Variants in VPS13B observed in about 807,000 individuals in gnomAD.
VPS13B encodes vacuolar protein sorting 13 homolog B, also known as intermembrane lipid transfer protein VPS13B.
VPS13B carries 285 observed loss-of-function variants against 426.4 expected under a neutral mutation model. The ratio of observed to expected loss-of-function variants is 0.67; its 90% CI spans 0.61 to 0.74. The LOEUF (loss-of-function observed/expected upper bound fraction) is 0.74. Among genes scored for constraint, VPS13B ranks in the 30% least tolerant of loss-of-function variants. The pLI is 0.00. For synonymous variants in VPS13B, 1,676 were observed against 1,676.4 expected (o/e 1.00, Z 0.01); for missense variants, 4,537 against 4,782.6 (o/e 0.95, Z 1.51).
chr8:99,357,690 T>C (rs1812251474), intron 19 of VPS13B, among the ~76,000 whole-genome samples: 1 of 152,212 alleles, frequency 6.6e-6, no homozygotes, highest in Non-Finnish European at 1.5e-5. Flanking sequence ...TAGTACTTAA[T>C]AGCTGTAGGG....
chr8:99,461,635 A>G (rs1818837990), intron 23 of VPS13B, among the ~76,000 whole-genome samples: 1 of 152,152 alleles, frequency 6.6e-6, no homozygotes, highest in African/African-American at 2.4e-5. Flanking sequence ...GAAAGCATTG[A>G]CAATTTCTCA....
At chr8:99,413,778 G>A (rs1333285400) in intron 21 of VPS13B, among the ~76,000 whole-genome samples, 1 of 152,136 alleles carries the variant, frequency 6.6e-6, no homozygotes, top group East Asian at 1.9e-4. Context: ...TAATTTTATT[G>A]CACTGTGGTC....
chr8:99,746,274 A>G (rs1432837246), intron 39 of VPS13B, among the ~76,000 whole-genome samples: 3 of 152,136 alleles, frequency 2.0e-5, no homozygotes, highest in African/African-American at 7.2e-5. Context: ...CTATTGTATC[A>G]CAACAGGAGG....
chr8:99,756,388 A>G (rs553459954), intron 39 of VPS13B, among the ~76,000 whole-genome samples: 1 of 152,288 alleles, frequency 6.6e-6, no homozygotes, highest in African/African-American at 2.4e-5. Flanking sequence ...GTACCAATAT[A>G]TGCATAGGGG....
intron 33 of VPS13B, among the ~76,000 whole-genome samples, chr8:99,596,689 T>C (rs368366944): frequency 3.9e-5 from 6 of 152,026 alleles, no homozygotes; most frequent in East Asian, 3.9e-4. Flanking sequence ...TCACATTCCA[T>C]TGGTCAGAAT....
chr8:99,132,937 A>G (rs1049872251), intron 8 of VPS13B, among the ~76,000 whole-genome samples: 5 of 152,164 alleles, frequency 3.3e-5, no homozygotes. Flanking sequence ...TAGATTTAGC[A>G]TGATTCTTAA....
chr8:99,358,559 A>G (rs1016645020), intron 19 of VPS13B, among the ~76,000 whole-genome samples: 3 of 152,220 alleles, frequency 2.0e-5, no homozygotes, highest in African/African-American at 7.2e-5. Flanking sequence ...AAGATTATAA[A>G]TTCAAAATAT....
At chr8:99,192,018 A>C (rs1009876044) in intron 16 of VPS13B, among the ~76,000 whole-genome samples, 1 of 152,142 alleles carries the variant, frequency 6.6e-6, no homozygotes, top group South Asian at 2.1e-4. Flanking sequence ...CATACAGTAT[A>C]CTATAGTAGC....
intron 22 of VPS13B, among the ~76,000 whole-genome samples, chr8:99,441,266 A>G (rs1817664181): frequency 6.6e-6 from 1 of 152,120 alleles, no homozygotes; most frequent in African/African-American, 2.4e-5. Flanking sequence ...AGGTTGACAA[A>G]TTATTTATCC....
intron 5 of VPS13B, among the ~76,000 whole-genome samples, chr8:99,105,427 G>A (rs1164701403): frequency 6.6e-6 from 1 of 152,130 alleles, no homozygotes; most frequent in Non-Finnish European, 1.5e-5. Flanking sequence ...CACCCAGGCT[G>A]AAGTGCAGTG....
chr8:99,599,814 T>C (rs976577947), intron 33 of VPS13B, among the ~76,000 whole-genome samples: 1 of 152,138 alleles, frequency 6.6e-6, no homozygotes, highest in African/African-American at 2.4e-5. Context: ...ATCTTCCTTC[T>C]ACATTTTTTA....
At chr8:99,196,925 C>T (rs1206036595) in intron 17 of VPS13B, among the ~76,000 whole-genome samples, 1 of 152,130 alleles carries the variant, frequency 6.6e-6, no homozygotes, top group Non-Finnish European at 1.5e-5. Context: ...AAGATTTCAG[C>T]ATTTCACTCT....
At chr8:99,269,050 T>A (rs892648885) in intron 17 of VPS13B, among the ~76,000 whole-genome samples, 2 of 152,140 alleles carry the variant, frequency 1.3e-5, no homozygotes, top group African/African-American at 4.8e-5. Flanking sequence ...AGGACGTGTT[T>A]GCTTCCCTTC....
chr8:99,239,092 A>G (rs954032163), intron 17 of VPS13B, among the ~76,000 whole-genome samples: 5 of 152,096 alleles, frequency 3.3e-5, no homozygotes, highest in Non-Finnish European at 5.9e-5. Flanking sequence ...ACCTTTAATG[A>G]GCATCCCAGT....
intron 30 of VPS13B, among the ~76,000 whole-genome samples, chr8:99,532,243 A>AT (rs1822972193): frequency 6.6e-6 from 1 of 152,054 alleles, no homozygotes; most frequent in South Asian, 2.1e-4. Context: ...ACCGTTTTAC[A>AT]TTTTTTTGCA....
At chr8:99,852,966 A>T (rs1433125564) in intron 55 of VPS13B, among the ~76,000 whole-genome samples, 1 of 152,154 alleles carries the variant, frequency 6.6e-6, no homozygotes, top group Non-Finnish European at 1.5e-5. Context: ...TTCACCTGAG[A>T]CAGAAGCAAG....
rs569345774 is a variant in VPS13B at position 99,031,618 on chromosome 8, T to C, written c.148-6805T>C. 2.0e-5 allele frequency among the ~76,000 whole-genome samples: 3 copies of C among 152,316 alleles called. No individual in the cohort carries two copies. In the South Asian group the frequency reaches 6.2e-4, roughly 32 times the overall value. ...TAGGGTGTTTAGGCTTTTTTCCTCA[T>C]TGGGTGCAGTAGTGTAATTTCTATG... is the stretch of plus-strand genomic sequence containing the variant. On this transcript the variant is annotated intron_variant, in intron 2 of 61. Transcript: ENST00000357162.
intron 21 of VPS13B, among the ~76,000 whole-genome samples, chr8:99,411,671 T>C (rs1382774383): frequency 6.6e-6 from 1 of 152,222 alleles, no homozygotes; most frequent in African/African-American, 2.4e-5. Flanking sequence ...GCCTCCGTTT[T>C]CTTCTAGGGT....
In VPS13B at chr8:99,836,607, T is replaced by G. The variant is rs566452299; in HGVS notation, c.9942+869T>G. Among the ~76,000 whole-genome samples the G allele has an allele frequency of 3.3e-5, 5 of 152,330 alleles. 1 individual carries two copies. The South Asian group carries it at 1.0e-3, about 32-fold the overall frequency. ...TTAGCATGGATCAGAACTTCATTTG[T>G]TTTTATGAGTGAATAATATTGTGCC... On this transcript the variant is annotated intron_variant, in intron 54 of 61. Coordinates refer to ENST00000357162, the MANE Select transcript of VPS13B (RefSeq NM_152564.5).
Sources: gnomAD v4.1 joint callset for allele counts (sites outside exome capture counted in the v4.1 genomes callset) on GRCh38, gnomAD v4.1.1 for gene constraint, MANE v1.5 for transcripts, NCBI Gene and HGNC (gene_info 2026-07-23, HGNC 2026-07-21) for gene names.